TSPAN11: variants seen among roughly 807,000 people sequenced by gnomAD.
TSPAN11 encodes the protein tetraspanin-11.
A neutral mutation model predicts 32.9 loss-of-function variants in TSPAN11; 29 were observed. The observed-to-expected ratio is 0.88, with a 90% CI of 0.66 to 1.20. TSPAN11 has a LOEUF of 1.20. Ranked by LOEUF, TSPAN11 falls within the 50% of genes most tolerant of loss-of-function variation. The pLI is 0.00. For synonymous variants in TSPAN11, 140 were observed against 141.3 expected (o/e 0.99, Z 0.07); for missense variants, 283 against 329.1 (o/e 0.86, Z 1.08).
chr12:30,983,938 C>T (rs1939148733), intron 7 of TSPAN11, among the ~76,000 whole-genome samples: 3 of 152,172 alleles, frequency 2.0e-5, no homozygotes, highest in African/African-American at 7.2e-5. Flanking sequence ...GTGCCCTCAT[C>T]CAGCTGTCTC....
chr12:30,991,975 G>C lies in TSPAN11; in HGVS notation c.*60G>C. 1 of 1,587,310 alleles carries C rather than the reference G, an allele frequency of 6.3e-7. No individual in the cohort carries two copies. The highest frequency in any genetic ancestry group is 8.6e-7 in the Non-Finnish European group (1 of 1,156,156). ...GACAACATGTGGCCACATGCCATCT[G>C]CAAGGCCTGCAGAGTTAGCACCAGC... On this transcript the variant is annotated 3_prime_UTR_variant, in exon 8 of 8. Transcript: ENST00000546076.
intron 2 of TSPAN11, among the ~76,000 whole-genome samples, chr12:30,961,029 G>GAAAAAA (rs113586330): frequency 7.2e-6 from 1 of 138,504 alleles, no homozygotes; most frequent in Non-Finnish European, 1.5e-5. Flanking sequence ...ACAGAGCGAG[G>GAAAAAA]AAAAAAAAAA....
the TSPAN11 span, among the ~76,000 whole-genome samples, chr12:31,001,745 A>G: frequency 7.9e-5 from 12 of 152,208 alleles, no homozygotes; most frequent in South Asian, 2.5e-3. Flanking sequence ...TCCCAGAGTC[A>G]TCCCAGCCAC....
At chr12:31,011,387 G>T in the TSPAN11 span, among the ~76,000 whole-genome samples, 1 of 152,150 alleles carries the variant, frequency 6.6e-6, no homozygotes, top group African/African-American at 2.4e-5. Flanking sequence ...GTGCCGCTGG[G>T]GAGCTTCTCT....
At chr12:31,005,551 C>G in the TSPAN11 span, among the ~76,000 whole-genome samples, 1 of 152,212 alleles carries the variant, frequency 6.6e-6, no homozygotes. Context: ...GACACAGACG[C>G]AGGCATCCAG....
At chr12:31,005,066 TG>T in the TSPAN11 span, among the ~76,000 whole-genome samples, 1 of 152,160 alleles carries the variant, frequency 6.6e-6, no homozygotes, top group Non-Finnish European at 1.5e-5. Flanking sequence ...GAGAGCCTTG[TG>T]GGGGTTGCAT....
At position 30,992,057 on chromosome 12, in the gene TSPAN11, G is replaced by A; in HGVS notation, c.*142G>A. 1.1e-6 allele frequency: 1 copy of A among 879,916 alleles called. No individual in the cohort carries two copies. The highest frequency in any genetic ancestry group is 2.3e-5 in the African/African-American group (1 of 43,720). The allele number at this position is 879,916 out of a possible 1,614,324, so 54.5% of individuals were successfully genotyped here. A position where few individuals can be genotyped will look rare whatever the true frequency, so the allele number is the denominator to read the frequency against. Reference sequence around the variant, plus strand: ...TGCCTAGCTCCTGCGAATCCACCGAGTGCCTGAGACCATAGCTTCTGTGCC... The same window carrying A: ...TGCCTAGCTCCTGCGAATCCACCGAATGCCTGAGACCATAGCTTCTGTGCC... On this transcript the variant is annotated 3_prime_UTR_variant, in exon 8 of 8. Coordinates refer to ENST00000546076, the MANE Select transcript of TSPAN11 (RefSeq NM_001370302.1).
At chr12:30,950,201 TCTTGA>T (rs1403946956) in intron 1 of TSPAN11, among the ~76,000 whole-genome samples, 1 of 152,012 alleles carries the variant, frequency 6.6e-6, no homozygotes, top group Non-Finnish European at 1.5e-5. Context: ...GTAAGGTCGC[TCTTGA>T]CTTGACCCCC....
chr12:30,939,747 T>G (rs1938121792), intron 1 of TSPAN11, among the ~76,000 whole-genome samples: 8 of 152,114 alleles, frequency 5.3e-5, no homozygotes, highest in Admixed American at 5.2e-4. Context: ...GTGAGGAGAC[T>G]GCATATTCAT....
the TSPAN11 span, among the ~76,000 whole-genome samples, chr12:31,006,957 T>G: frequency 6.6e-6 from 1 of 152,218 alleles, no homozygotes; most frequent in African/African-American, 2.4e-5. Context: ...CCTCCTGAGC[T>G]TCTACCCGCA....
At chr12:30,989,837 C>G (rs928231519) in intron 7 of TSPAN11, among the ~76,000 whole-genome samples, 2 of 152,230 alleles carry the variant, frequency 1.3e-5, no homozygotes, top group African/African-American at 4.8e-5. Flanking sequence ...AAGCTGAAGG[C>G]AGGACGGCCT....
rs755116398 is a variant in TSPAN11, at chr12:30,963,863, C to A, written c.122C>A (p.Thr41Asn). 231 of 1,611,774 alleles carry A rather than the reference C, an allele frequency of 1.4e-4. No homozygotes were observed. Among genetic ancestry groups the A allele is most frequent in the Non-Finnish European group, 1.9e-4 (224 of 1,180,016 alleles). Residue 41 changes from threonine to asparagine, a missense_variant, in exon 3 of 8, where the codon ACC becomes AAC. By Grantham distance (65) the Thr-to-Asn change is moderately conservative. Transcript: ENST00000546076. Reference protein sequence around the residue: ...GAAVLAVGIWTLVEKSGYLSV... With the variant: ...GAAVLAVGIWNLVEKSGYLSV... ...GCCGTCCTGGCTGTGGGCATCTGGA[C>A]CCTGGTGGAGAAGAGTGGCTACCTC...
Position 30,993,718 on chromosome 12 carries a change from CAAGTTCTCTG to C in TSPAN11, c.*1807_*1816del, listed in dbSNP as rs1295324590. ...ATAATCAAAAACTGACTATGACTCC[CAAGTTCTCTG>C]AAGGATGAGATCACAACTGACAACT... On this transcript the variant is annotated 3_prime_UTR_variant, in exon 8 of 8. Coordinates refer to ENST00000546076, the MANE Select transcript of TSPAN11 (RefSeq NM_001370302.1). The C allele has an allele frequency of 6.6e-6, 1 of 152,242 alleles. No individual in the cohort carries two copies. Among genetic ancestry groups the C allele is most frequent in the African/African-American group, 2.4e-5 (1 of 41,456 alleles). 9.4% of individuals were successfully genotyped at this position (152,242 alleles called of 1,614,324 possible). A position where few individuals can be genotyped will look rare whatever the true frequency, so the allele number is the denominator to read the frequency against.
intron 2 of TSPAN11, among the ~76,000 whole-genome samples, chr12:30,960,954 G>A (rs1327206219): frequency 2.6e-5 from 4 of 151,088 alleles, no homozygotes. Context: ...TGGGAGAATT[G>A]CTTGAACCTG....
chr12:30,951,179 T>G (rs1938374165), intron 1 of TSPAN11, among the ~76,000 whole-genome samples: 1 of 152,188 alleles, frequency 6.6e-6, no homozygotes, highest in Non-Finnish European at 1.5e-5. Context: ...TTCAAATGTG[T>G]GTGAAACATA....
the TSPAN11 span, among the ~76,000 whole-genome samples, chr12:31,005,591 G>A: frequency 1.2e-3 from 185 of 152,284 alleles, 2 homozygotes; most frequent in African/African-American, 4.0e-3. Flanking sequence ...TCCCTGTGCC[G>A]ACAACTCCTC....
In TSPAN11 at chr12:30,978,047, G is replaced by A. The variant is rs192284172; in HGVS notation, c.277-514G>A. ...GCCCCATGCTTCCTGCAGGCTCCAG[G>A]CTTTTCACTTGTTCTCCCCTCTTCC... is the stretch of plus-strand genomic sequence containing the variant. On this transcript the variant is annotated intron_variant, in intron 3 of 7. Coordinates refer to ENST00000546076, the MANE Select transcript of TSPAN11 (RefSeq NM_001370302.1). 4.7e-4 allele frequency among the ~76,000 whole-genome samples: 71 copies of A among 152,224 alleles called. No homozygotes were observed. In the East Asian group the frequency reaches 0.013, roughly 27 times the overall value.
intron 1 of TSPAN11, chr12:30,927,133 G>A: frequency 1.2e-6 from 1 of 838,022 alleles, no homozygotes; most frequent in Non-Finnish European, 1.6e-6. Context: ...AGCGTGCCCG[G>A]GGCATGTCTG....
chr12:30,934,557 C>G (rs918125430), intron 1 of TSPAN11, among the ~76,000 whole-genome samples: 1 of 152,200 alleles, frequency 6.6e-6, no homozygotes, highest in Admixed American at 6.5e-5. Flanking sequence ...GTTTGTCAAA[C>G]CTCTGGCCTG....
Sources: allele counts gnomAD v4.1 joint callset (sites outside exome capture counted in the v4.1 genomes callset), GRCh38; gene constraint gnomAD v4.1.1; transcripts MANE v1.5; gene names NCBI Gene and HGNC (gene_info 2026-07-23, HGNC 2026-07-21).